Variants in DYRK1A observed in about 807,000 individuals in gnomAD.
DYRK1A encodes the protein dual specificity tyrosine-phosphorylation-regulated kinase 1A.
In DYRK1A, 9 loss-of-function variants were observed where a neutral mutation model predicts 79.7. The observed-to-expected ratio is 0.11, with a 90% CI of 0.07 to 0.20. DYRK1A has a LOEUF of 0.20. Among genes scored for constraint, DYRK1A ranks in the 10% least tolerant of loss-of-function variants. The pLI is 1.00. For missense variants in DYRK1A, 622 were observed against 956.0 expected (o/e 0.65, Z 4.61); for synonymous variants, 349 against 329.7 (o/e 1.06, Z -0.63).
intron 2 of DYRK1A, among the ~76,000 whole-genome samples, chr21:37,426,529 C>T (rs1485028507): frequency 6.6e-6 from 1 of 151,730 alleles, no homozygotes; most frequent in Non-Finnish European, 1.5e-5. Flanking sequence ...GTGGTGATAA[C>T]CCAGGAAAGA....
intron 2 of DYRK1A, among the ~76,000 whole-genome samples, chr21:37,471,583 A>G (rs1415157331): frequency 2.0e-5 from 3 of 152,204 alleles, no homozygotes; most frequent in Admixed American, 6.5e-5. Flanking sequence ...AAACCTTCAT[A>G]ACAACCTTTT....
In DYRK1A at chr21:37,516,538, C is replaced by G. The variant is rs1569412640; in HGVS notation, c.*4007C>G. 6.6e-6 allele frequency: 1 copy of G among 152,210 alleles called. No individual in the cohort carries two copies. Among genetic ancestry groups the G allele is most frequent in the Non-Finnish European group, 1.5e-5 (1 of 68,048 alleles). 9.4% of individuals were successfully genotyped at this position (152,210 alleles called of 1,614,324 possible). Reference sequence around the variant, plus strand: ...TGTTATCCTCCCTTTTAATGACTAACCTTAATCCAAATGAATCCACTGAGA... The same window carrying G: ...TGTTATCCTCCCTTTTAATGACTAAGCTTAATCCAAATGAATCCACTGAGA... On this transcript the variant is annotated 3_prime_UTR_variant, in exon 12 of 12. Transcript: ENST00000647188.
Position 37,517,510 on chromosome 21 carries a change from TAGTC to T in DYRK1A, c.*4983_*4986del, listed in dbSNP as rs1408322717. 1 of 152,194 alleles carries T rather than the reference TAGTC, an allele frequency of 6.6e-6. No individual in the cohort carries two copies. The highest frequency in any genetic ancestry group is 1.5e-5 in the Non-Finnish European group (1 of 68,036). 9.4% of individuals were successfully genotyped at this position (152,194 alleles called of 1,614,324 possible). A position where few individuals can be genotyped will look rare whatever the true frequency, so the allele number is the denominator to read the frequency against. On this transcript the variant is annotated 3_prime_UTR_variant, in exon 12 of 12. Transcript: ENST00000647188. ...TTGCTTCCATTATATACTCATTCAT[TAGTC>T]AGTGTACTTGCCCCTGAATTCCATA...
At position 37,516,006 on chromosome 21, in the gene DYRK1A, C is replaced by T. The variant is rs565947476; in HGVS notation, c.*3475C>T. The T allele has an allele frequency of 2.0e-5, 3 of 152,134 alleles. No homozygotes were observed. Among genetic ancestry groups the T allele is most frequent in the Admixed American group, 6.5e-5 (1 of 15,270 alleles). The allele number at this position is 152,134 out of a possible 1,614,324, so 9.4% of individuals were successfully genotyped here. On this transcript the variant is annotated 3_prime_UTR_variant, in exon 12 of 12. Transcript: ENST00000647188. ...GGGAGATACATAATCAAAATACACA[C>T]GAAGACGAGATAGCAGGCACTCAGT...
At chr21:37,500,917 C>T (rs1437208520) in intron 9 of DYRK1A, among the ~76,000 whole-genome samples, 1 of 150,184 alleles carries the variant, frequency 6.7e-6, no homozygotes, top group Non-Finnish European at 1.5e-5. Context: ...CAGCTTTTGA[C>T]TTTGTTGATT....
chr21:37,473,785 A>G (rs1484345089), intron 3 of DYRK1A, among the ~76,000 whole-genome samples: 1 of 151,196 alleles, frequency 6.6e-6, no homozygotes, highest in African/African-American at 2.4e-5. Flanking sequence ...ACAACATGTT[A>G]ACATTCACAG....
chr21:37,483,834 C>A (rs1250994115), intron 5 of DYRK1A, among the ~76,000 whole-genome samples: 1 of 152,140 alleles, frequency 6.6e-6, no homozygotes, highest in Non-Finnish European at 1.5e-5. Context: ...CCTCGCATCT[C>A]AGCTTCCCAC....
chr21:37,465,145 C>T (rs1280269969), intron 2 of DYRK1A, among the ~76,000 whole-genome samples: 1 of 152,206 alleles, frequency 6.6e-6, no homozygotes, highest in Non-Finnish European at 1.5e-5. Context: ...CTTAATCTTT[C>T]TTCACTTTCA....
At chr21:37,469,852 A>G (rs1719600390) in intron 2 of DYRK1A, among the ~76,000 whole-genome samples, 1 of 152,200 alleles carries the variant, frequency 6.6e-6, no homozygotes, top group East Asian at 1.9e-4. Context: ...CACAGATCCA[A>G]ACTGTATCAC....
chr21:37,428,173 T>C (rs2050679556), intron 2 of DYRK1A, among the ~76,000 whole-genome samples: 1 of 152,178 alleles, frequency 6.6e-6, no homozygotes, highest in Non-Finnish European at 1.5e-5. Context: ...ATCATGCTTT[T>C]GATTTTAGGG....
chr21:37,368,109 G>C (rs1352725892), intron 1 of DYRK1A: 2 of 153,254 alleles, frequency 1.3e-5, no homozygotes, highest in African/African-American at 4.8e-5. Flanking sequence ...CGGCGGGGCC[G>C]GGCCGGGCCG....
chr21:37,405,371 GTTCTGTTTTCTTCA>G (rs1368534791), intron 1 of DYRK1A, among the ~76,000 whole-genome samples: 1 of 152,126 alleles, frequency 6.6e-6, no homozygotes, highest in Non-Finnish European at 1.5e-5. Context: ...CTTGGCTTTA[GTTCTGTTTTCTTCA>G]ACTATAGGGA....
At chr21:37,415,604 A>G (rs2050322403) in intron 1 of DYRK1A, 1 of 151,962 alleles carries the variant, frequency 6.6e-6, no homozygotes. Context: ...AGCTGGGACT[A>G]CAGGCTGCAC....
intron 1 of DYRK1A, among the ~76,000 whole-genome samples, chr21:37,397,568 C>A (rs1288029271): frequency 6.6e-6 from 1 of 152,138 alleles, no homozygotes; most frequent in Non-Finnish European, 1.5e-5. Flanking sequence ...ACCTATAGTT[C>A]TCTTCAGTAA....
intron 1 of DYRK1A, chr21:37,368,060 G>T: frequency 6.5e-6 from 1 of 152,838 alleles, no homozygotes; most frequent in South Asian, 1.9e-4. Context: ...GACAATGCAC[G>T]GGTTAAGAAA....
chr21:37,488,974 C>T lies in DYRK1A; in HGVS notation c.638-1201C>T, dbSNP rs979841228. The T allele has an allele frequency of 1.1e-4, 72 of 652,464 alleles. 1 individual carries two copies. The African/African-American group carries it at 1.1e-3, about 10-fold the overall frequency. The allele number at this position is 652,464 out of a possible 1,614,324, so 40.4% of individuals were successfully genotyped here. ...GGATTCCTTTTGTTATTTTTAGTAT[C>T]GAGTTGTGCTGTAGACTCCTATATA... On this transcript the variant is annotated intron_variant, in intron 6 of 11. Transcript: ENST00000647188.
chr21:37,523,534 C>A lies in DYRK1A; in HGVS notation c.*11003C>A, dbSNP rs1180164716. 6.6e-6 allele frequency: 1 copy of A among 152,198 alleles called. No individual in the cohort carries two copies. The highest frequency in any genetic ancestry group is 2.4e-5 in the African/African-American group (1 of 41,444). The allele number at this position is 152,198 out of a possible 1,614,324, so 9.4% of individuals were successfully genotyped here. ...TTTGTCTCCCTGAAGCATCAACCTG[C>A]TTTCCTGCTGCTGTTATCACATCCT... On this transcript the variant is annotated 3_prime_UTR_variant, in exon 12 of 12. Coordinates refer to ENST00000647188, the MANE Select transcript of DYRK1A (RefSeq NM_001347721.2).
chr21:37,429,563 G>A (rs80082391), intron 2 of DYRK1A, among the ~76,000 whole-genome samples: 7,976 of 152,166 alleles, frequency 0.052, 744 homozygotes, highest in African/African-American at 0.18. Context: ...ACCAGATCTC[G>A]CGAGAACGTA....
chr21:37,405,874 T>G (rs1386687161), intron 1 of DYRK1A, among the ~76,000 whole-genome samples: 2 of 152,214 alleles, frequency 1.3e-5, no homozygotes, highest in African/African-American at 4.8e-5. Flanking sequence ...TCATCCAGTG[T>G]CATGGCATCA....
Sources: gnomAD v4.1 joint callset for allele counts (sites outside exome capture counted in the v4.1 genomes callset) on GRCh38, gnomAD v4.1.1 for gene constraint, MANE v1.5 for transcripts, NCBI Gene and HGNC (gene_info 2026-07-23, HGNC 2026-07-21) for gene names.